Variants in NLRC3 observed in about 807,000 individuals in gnomAD.
NLRC3 encodes NLR family CARD domain-containing protein 3.
A neutral mutation model predicts 91.6 loss-of-function variants in NLRC3; 87 were observed. The observed-to-expected ratio is 0.95, with a 90% CI of 0.80 to 1.14. The LOEUF is 1.14. NLRC3 is among the 50% of genes most tolerant of loss of function. The pLI is 0.00. For synonymous variants in NLRC3, 694 were observed against 625.3 expected, an observed-to-expected ratio of 1.11 and a Z score of -1.64; for missense variants, 1,577 against 1,418.6, an observed-to-expected ratio of 1.11 and a Z score of -1.79.
intron 1 of NLRC3, among the ~76,000 whole-genome samples, chr16:3,570,607 C>T (rs1046242671): frequency 7.2e-5 from 11 of 151,980 alleles, no homozygotes; most frequent in Non-Finnish European, 1.3e-4. Flanking sequence ...TGGTAATTGG[C>T]GGCTGGGGAA....
At chr16:3,553,179 C>T (rs55855444) in intron 9 of NLRC3, among the ~76,000 whole-genome samples, 17,102 of 152,248 alleles carry the variant, frequency 0.11, 1,289 homozygotes, top group African/African-American at 0.22. Context: ...CTCATTTTCT[C>T]AGAGCACTTC....
At chr16:3,558,261 G>T (rs2039444391) in intron 6 of NLRC3, among the ~76,000 whole-genome samples, 1 of 152,124 alleles carries the variant, frequency 6.6e-6, no homozygotes, top group Non-Finnish European at 1.5e-5. Context: ...AGCCTAGAAG[G>T]TTGAGGCTGC....
At chr16:3,549,104 A>C in intron 13 of NLRC3, 38 bp downstream of exon 13, 1 of 1,453,670 alleles carries the variant, frequency 6.9e-7, no homozygotes, top group South Asian at 1.2e-5. Flanking sequence ...TGGTCATGGC[A>C]TGAACAGCCT....
chr16:3,564,812 A>G lies in NLRC3; in HGVS notation c.178+47T>C. On this transcript the variant is annotated intron_variant, in intron 4 of 19. Coordinates refer to ENST00000359128, the MANE Select transcript of NLRC3 (RefSeq NM_178844.4). The surrounding 1 kb of genome is among the most constrained non-coding windows in gnomAD (Gnocchi z 5.9). ...TGGTAAGGGAAGAGTGGGCACAATC[A>G]GCCCAGGTGTTCCCCACCCCGCGTC... The G allele has an allele frequency of 6.4e-7, 1 of 1,572,116 alleles. No homozygotes were observed.
chr16:3,575,532 C>G (rs114525226), intron 1 of NLRC3, among the ~76,000 whole-genome samples: 1 of 152,196 alleles, frequency 6.6e-6, no homozygotes, highest in Non-Finnish European at 1.5e-5. Flanking sequence ...GCCAGAGGGA[C>G]GAGTAGGTGC....
chr16:3,542,107 C>A (rs1470819951), intron 19 of NLRC3, 84 bp downstream of exon 19: 1 of 1,018,296 alleles, frequency 9.8e-7, no homozygotes, highest in South Asian at 1.4e-5. Context: ...GTCTGGGGGT[C>A]AGCTGGCTCT....
intron 8 of NLRC3, among the ~76,000 whole-genome samples, chr16:3,554,738 C>T (rs527822291): frequency 1.3e-5 from 2 of 152,246 alleles, no homozygotes; most frequent in East Asian, 3.9e-4. Flanking sequence ...CATGGGTTGA[C>T]CATGTGACCC....
At chr16:3,557,888 CTCA>C (rs1248381424) in intron 6 of NLRC3, among the ~76,000 whole-genome samples, 4 of 152,198 alleles carry the variant, frequency 2.6e-5, no homozygotes, top group African/African-American at 9.6e-5. Flanking sequence ...AGGACAGACC[CTCA>C]TCATGGCAAA....
chr16:3,550,290 T>C (rs1342222073), intron 11 of NLRC3, 124 bp downstream of exon 11: 18 of 652,228 alleles, frequency 2.8e-5, no homozygotes. Context: ...GAGGACAGTG[T>C]GTGCCCAGGG....
chr16:3,549,592 C>T, intron 12 of NLRC3, 105 bp downstream of exon 12: 1 of 895,678 alleles, frequency 1.1e-6, no homozygotes, highest in Non-Finnish European at 1.8e-6. Flanking sequence ...AGGAAGGCTT[C>T]CCCAGCCATA....
chr16:3,551,981 T>C (rs1477408993), intron 10 of NLRC3, among the ~76,000 whole-genome samples: 3 of 147,352 alleles, frequency 2.0e-5, no homozygotes, highest in African/African-American at 5.2e-5. Flanking sequence ...ATCCCTTCAT[T>C]CATCCATCCA....
chr16:3,576,353 G>T (rs544360322), intron 1 of NLRC3, among the ~76,000 whole-genome samples: 3 of 152,284 alleles, frequency 2.0e-5, no homozygotes, highest in South Asian at 2.1e-4. Flanking sequence ...CTGCCCACTC[G>T]CCTGGGGGCG....
rs1017621124 is a variant in NLRC3, at chr16:3,563,440, G to A, written c.1497C>T (p.Ala499=). The A allele has an allele frequency of 4.2e-5, 67 of 1,577,070 alleles. No individual in the cohort carries two copies. Among genetic ancestry groups the A allele is most frequent in the Non-Finnish European group, 5.6e-5 (65 of 1,161,968 alleles). The change falls in exon 5 of 20, where the codon GCC becomes GCT. Residue 499 remains alanine, a synonymous_variant. Transcript: ENST00000359128. ...CGTCCTCTGCCTGCATGGCCCGCTG[G>A]GCTGCGCTCCTGAAATGCGTGAGGA... ...LGFLTHFRSA[A]QRAMQAEDGR...
chr16:3,570,666 G>A (rs530915697), intron 1 of NLRC3, among the ~76,000 whole-genome samples: 46 of 152,290 alleles, frequency 3.0e-4, no homozygotes, highest in South Asian at 4.1e-4. Context: ...AGTAGAGAGG[G>A]TGAGAAAGAG....
chr16:3,566,654 G>A (rs1433869465), intron 2 of NLRC3, among the ~76,000 whole-genome samples: 2 of 152,150 alleles, frequency 1.3e-5, no homozygotes, highest in Non-Finnish European at 1.5e-5. Flanking sequence ...GAACCCGGGA[G>A]GCAGAGGTTG....
intron 6 of NLRC3, 87 bp downstream of exon 6, chr16:3,561,615 T>C: frequency 3.3e-6 from 3 of 915,476 alleles, no homozygotes; most frequent in Non-Finnish European, 3.6e-6. Flanking sequence ...GCAGCGCCGC[T>C]GGCCAGCTGA....
At chr16:3,548,025 A>G (rs2151084374) in intron 15 of NLRC3, 110 bp downstream of exon 15, 2 of 703,990 alleles carry the variant, frequency 2.8e-6, no homozygotes, top group South Asian at 3.3e-5. Flanking sequence ...CTTAGGGAAG[A>G]GGAGTGCCAG....
At chr16:3,569,667 G>A (rs1567154305) in intron 1 of NLRC3, among the ~76,000 whole-genome samples, 1 of 151,464 alleles carries the variant, frequency 6.6e-6, no homozygotes, top group Non-Finnish European at 1.5e-5. Context: ...CAAAGTGCTC[G>A]GATTGTAGGT....
Position 3,564,574 on chromosome 16 carries a change from G to A in NLRC3, c.363C>T (p.Thr121=), listed in dbSNP as rs199475934. The A allele has an allele frequency of 2.2e-4, 356 of 1,611,556 alleles. No individual in the cohort carries two copies. The East Asian group carries it at 4.0e-3, about 18-fold the overall frequency. ...GCAGGAAGAGCCGGTCCAGGGCGAC[G>A]GTCCTGGCGGGGTGCCCGCCCCCGC... The part of the protein sequence containing the change: ...ATRGGGHPAR[T]VALDRLFLPL... Residue 121 remains threonine, a synonymous_variant, in exon 5 of 20, where the codon ACC becomes ACT. Transcript: ENST00000359128. This position sits in a 1 kb window ranked among gnomAD's most constrained non-coding sequence, Gnocchi z 5.9.
Sources: gnomAD v4.1 joint callset for allele counts (sites outside exome capture counted in the v4.1 genomes callset) on GRCh38, gnomAD v4.1.1 for gene constraint, Gnocchi (gnomAD v3.1) non-coding constraint, MANE v1.5 for transcripts, NCBI Gene and HGNC (gene_info 2026-07-23, HGNC 2026-07-21) for gene names.